Variants in MOV10 observed in about 807,000 individuals in gnomAD.
MOV10 encodes Mov10 RNA helicase, also known as RNA helicase MOV-10.
A neutral mutation model predicts 108.4 loss-of-function variants in MOV10; 39 were observed. That is an observed-to-expected ratio of 0.36 (90% CI 0.28 to 0.47). The LOEUF (loss-of-function observed/expected upper bound fraction) is 0.47, where lower values mean the gene tolerates loss of function less well. Among genes scored for constraint, MOV10 ranks in the 20% least tolerant of loss-of-function variants. MOV10 has a pLI of 1.00. For missense variants in MOV10, 952 were observed against 1,297.6 expected (o/e 0.73, Z 4.09); for synonymous variants, 490 against 523.1 (o/e 0.94, Z 0.86).
intron 2 of MOV10, chr1:112,685,304 C>T (rs1485763813): frequency 6.6e-6 from 1 of 151,780 alleles, no homozygotes; most frequent in African/African-American, 2.4e-5. Flanking sequence ...CACACTTGAC[C>T]TAGTTTTATT....
intron 2 of MOV10, among the ~76,000 whole-genome samples, chr1:112,680,857 C>T (rs1672594914): frequency 6.6e-6 from 1 of 151,402 alleles, no homozygotes; most frequent in Non-Finnish European, 1.5e-5. Flanking sequence ...CGTGAACCAC[C>T]ATGCCTGGCT....
rs773101901 is a variant in MOV10, at chr1:112,691,789, G to T, written c.961G>T (p.Ala321Ser). Residue 321 changes from alanine (A) to serine (S), a missense_variant, in exon 6 of 21, where the codon GCA (alanine) becomes TCA (serine). Coordinates refer to ENST00000369645, the MANE Select transcript of MOV10 (RefSeq NM_001321324.2). ...TATCTTCACTGCCCCTAAGGAGATC[G>T]CAGAGATCAAGTAAGTACCATCCCT... ...TSIFTAPKEI[A>S]EIKAQLETAL... 14 of 1,613,634 alleles carry T rather than the reference G, an allele frequency of 8.7e-6. No individual in the cohort carries two copies. The highest frequency in any genetic ancestry group is 2.5e-6 in the Non-Finnish European group (3 of 1,179,772).
chr1:112,684,771 A>C (rs1672944429), intron 2 of MOV10, among the ~76,000 whole-genome samples: 1 of 152,112 alleles, frequency 6.6e-6, no homozygotes, highest in African/African-American at 2.4e-5. Flanking sequence ...TTTATACTTT[A>C]ATTTGCATTT....
At position 112,695,466 on chromosome 1, in the gene MOV10, C is replaced by G. The variant is rs1459432795; in HGVS notation, c.1671C>G (p.Asn557Lys). 7 of 1,614,234 alleles carry G rather than the reference C, an allele frequency of 4.3e-6. No homozygotes were observed. Among genetic ancestry groups the G allele is most frequent in the Non-Finnish European group, 5.9e-6 (7 of 1,180,044 alleles). The change falls in exon 11 of 21, where the codon AAC becomes AAG. Residue 557 changes from asparagine to lysine, a missense_variant. Transcript: ENST00000369645. Reference sequence around the variant, plus strand: ...ACATCTTGGCCTGCGCTCCATCCAACTCAGGGGCTGACCTACTCTGTCAAA... The same window carrying G: ...ACATCTTGGCCTGCGCTCCATCCAAGTCAGGGGCTGACCTACTCTGTCAAA... ...KAHILACAPS[N>K]SGADLLCQRL...
chr1:112,691,847 T>G (rs1673621057), intron 6 of MOV10, 48 bp downstream of exon 6: 4 of 1,585,752 alleles, frequency 2.5e-6, no homozygotes, highest in Non-Finnish European at 3.4e-6. Context: ...TTTTACCTAC[T>G]GGCTTCTTTG....
In MOV10 at chr1:112,700,210, A is replaced by AC; in HGVS notation, c.2799-5dup. ...CCAGTCTCTGCTGGCACTCCTCTGT[A>AC]CCCCACAGATTCCTGGAGTTCTGTA... On this transcript the variant is annotated splice_polypyrimidine_tract_variant and intron_variant, in intron 19 of 20. Coordinates refer to ENST00000369645, the MANE Select transcript of MOV10 (RefSeq NM_001321324.2). The AC allele has an allele frequency of 6.2e-7, 1 of 1,613,804 alleles. No individual in the cohort carries two copies. The highest frequency in any genetic ancestry group is 8.5e-7 in the Non-Finnish European group (1 of 1,179,846).
At chr1:112,678,799 A>G (rs1010368117) in intron 2 of MOV10, among the ~76,000 whole-genome samples, 2 of 152,006 alleles carry the variant, frequency 1.3e-5, no homozygotes, top group Non-Finnish European at 2.9e-5. Flanking sequence ...AGAAAATTTC[A>G]AAGTAAGAGT....
In MOV10 at chr1:112,696,939, G is replaced by C. The variant is rs1674155293; in HGVS notation, c.2198+93G>C. 16 of 1,070,628 alleles carry C rather than the reference G, an allele frequency of 1.5e-5. No individual in the cohort carries two copies. In the East Asian group the frequency reaches 4.2e-4, roughly 28 times the overall value. The allele number at this position is 1,070,628 out of a possible 1,614,324, so 66.3% of individuals were successfully genotyped here. Reference sequence around the variant, plus strand: ...GAGAGTCTGGCTTGCTGTCAGTCCTGTTGCTCAGAGGTTGTGTGATGCAGA... The same window carrying C: ...GAGAGTCTGGCTTGCTGTCAGTCCTCTTGCTCAGAGGTTGTGTGATGCAGA... On this transcript the variant is annotated intron_variant, in intron 14 of 20. Transcript: ENST00000369645.
chr1:112,693,906 G>T, intron 7 of MOV10, 112 bp from the exon 8 acceptor site: 1 of 879,514 alleles, frequency 1.1e-6, no homozygotes, highest in Non-Finnish European at 1.8e-6. Context: ...CTGAGTCTTA[G>T]GTTAGAAGGC....
Position 112,697,980 on chromosome 1 carries a change from C to A in MOV10, c.2199-14C>A, listed in dbSNP as rs1248086451. On this transcript the variant is annotated splice_polypyrimidine_tract_variant and intron_variant, in intron 14 of 20. Transcript: ENST00000369645. ...CTGACCCTTGGTCTTGCTTTTCCTCCTCCGGCCTCCCAGGTCTCATCCCAC... is the reference window on the plus strand; with the variant it reads ...CTGACCCTTGGTCTTGCTTTTCCTCATCCGGCCTCCCAGGTCTCATCCCAC... The A allele has an allele frequency of 3.7e-6, 6 of 1,609,632 alleles. No homozygotes were observed. The highest frequency in any genetic ancestry group is 4.3e-6 in the Non-Finnish European group (5 of 1,175,922).
rs1157744170 is a variant in MOV10 at position 112,694,047 on chromosome 1, A to C, written c.1170A>C (p.Ser390=). 1 of 1,614,016 alleles carries C rather than the reference A, an allele frequency of 6.2e-7. No individual in the cohort carries two copies. The highest frequency in any genetic ancestry group is 8.5e-7 in the Non-Finnish European group (1 of 1,179,984). Residue 390 remains serine (S), a synonymous_variant, in exon 8 of 21, where the codon TCA becomes TCC. Transcript: ENST00000369645. The surrounding 1 kb of genome is among the most constrained non-coding windows in gnomAD (Gnocchi z 4.1). The part of the protein sequence containing the change: ...EVPGVTESRP[S]VLRGDHLFAL... ...CTGGAGTGACTGAGAGCCGCCCCTC[A>C]GTGCTACGGGGCGACCACCTGTTTG...
intron 2 of MOV10, among the ~76,000 whole-genome samples, chr1:112,681,695 C>G (rs977746814): frequency 6.6e-5 from 10 of 151,980 alleles, no homozygotes; most frequent in African/African-American, 2.4e-4. Flanking sequence ...TTTCTTTTAA[C>G]GTTTTACACA....
At chr1:112,687,053 C>T (rs1276807854) in intron 2 of MOV10, 2 of 456,308 alleles carry the variant, frequency 4.4e-6, no homozygotes, top group Non-Finnish European at 8.8e-6. Context: ...TGCTTAAAAC[C>T]CACCAACCGC....
intron 2 of MOV10, among the ~76,000 whole-genome samples, chr1:112,687,434 TAAAC>T: frequency 6.6e-6 from 1 of 152,346 alleles, no homozygotes; most frequent in East Asian, 1.9e-4. Context: ...ATAGTCCTCA[TAAAC>T]AAAGATTTGC....
intron 17 of MOV10, 149 bp downstream of exon 17, chr1:112,698,938 C>T: frequency 5.8e-6 from 4 of 694,386 alleles, no homozygotes; most frequent in East Asian, 5.0e-5. Context: ...GAGCCTCTCA[C>T]TCCTGGAGAT....
Position 112,689,859 on chromosome 1 carries a change from T to C in MOV10, c.597T>C (p.His199=). 6.2e-7 allele frequency: 1 copy of C among 1,614,166 alleles called. No homozygotes were observed. The highest frequency in any genetic ancestry group is 8.5e-7 in the Non-Finnish European group (1 of 1,180,022). Residue 199 remains histidine, a synonymous_variant, in exon 5 of 21, where the codon CAT becomes CAC. Coordinates refer to ENST00000369645, the MANE Select transcript of MOV10 (RefSeq NM_001321324.2). The part of the protein sequence containing the change: ...PLGPGECYEL[H]VHCKTSFVGY... ...CTCCAGGTGAATGCTATGAACTCCA[T>C]GTCCATTGTAAGACCAGCTTTGTGG...
intron 2 of MOV10, among the ~76,000 whole-genome samples, chr1:112,678,158 G>A (rs988269940): frequency 2.0e-5 from 3 of 152,064 alleles, no homozygotes; most frequent in African/African-American, 4.8e-5. Flanking sequence ...CCTTTCTCTC[G>A]GGGTTGTGAG....
In MOV10 at chr1:112,689,396, T is replaced by TTC; in HGVS notation, c.342-19_342-18insTC. On this transcript the variant is annotated intron_variant, in intron 3 of 20. Coordinates refer to ENST00000369645, the MANE Select transcript of MOV10 (RefSeq NM_001321324.2). ...GACCGCTCCCACCCCAACCCCCCCT[T>TTC]GACTCCCCTTCTCCCCAGGGCTGAG... is the stretch of plus-strand genomic sequence containing the variant. 2 of 651,306 alleles carry TTC rather than the reference T, an allele frequency of 3.1e-6. No homozygotes were observed. Among genetic ancestry groups the TTC allele is most frequent in the Non-Finnish European group, 5.5e-6 (2 of 363,882 alleles). The allele number at this position is 651,306 out of a possible 1,614,324, so 40.3% of individuals were successfully genotyped here.
intron 2 of MOV10, among the ~76,000 whole-genome samples, chr1:112,686,374 TC>T (rs946242017): frequency 6.6e-6 from 1 of 152,168 alleles, no homozygotes; most frequent in Admixed American, 6.5e-5. Context: ...CTGATTTCAG[TC>T]CCTGTATTAC....
Sources: allele counts gnomAD v4.1 joint callset (sites outside exome capture counted in the v4.1 genomes callset), GRCh38; gene constraint gnomAD v4.1.1; non-coding constraint Gnocchi (gnomAD v3.1); transcripts MANE v1.5; gene names NCBI Gene and HGNC (gene_info 2026-07-23, HGNC 2026-07-21).